The following GNAT3 variants were observed in gnomAD, a reference collection of about 807,000 sequenced individuals.
The protein encoded by GNAT3 is guanine nucleotide-binding protein G(t) subunit alpha-3.
In GNAT3, 31 loss-of-function variants were observed where a neutral mutation model predicts 37.7. The observed-to-expected ratio is 0.82, with a 90% CI of 0.62 to 1.11. The LOEUF (loss-of-function observed/expected upper bound fraction) is 1.11, where lower values mean the gene tolerates loss of function less well. Among genes scored for constraint, GNAT3 ranks in the 50% most tolerant of loss-of-function variants. The pLI is 0.00. For synonymous variants in GNAT3, 138 were observed against 139.8 expected (o/e 0.99, Z 0.09); for missense variants, 437 against 412.5 (o/e 1.06, Z -0.51).
At chr7:80,500,789 G>C (rs532627461) in intron 1 of GNAT3, among the ~76,000 whole-genome samples, 1 of 151,858 alleles carries the variant, frequency 6.6e-6, no homozygotes, top group Admixed American at 6.6e-5. Context: ...ACATTCTTTT[G>C]ATTTTTCTCT....
chr7:80,493,745 CTCCTCCACCTCTT>C (rs1790652440), intron 2 of GNAT3, among the ~76,000 whole-genome samples: 1 of 69,944 alleles, frequency 1.4e-5, no homozygotes, highest in African/African-American at 4.0e-5. Context: ...CTCCTCTTTC[CTCCTCCACCTCTT>C]TCCTCCTCCA....
At chr7:80,493,874 T>C (rs1388633027) in intron 2 of GNAT3, among the ~76,000 whole-genome samples, 1 of 147,196 alleles carries the variant, frequency 6.8e-6, no homozygotes, top group Non-Finnish European at 1.5e-5. Flanking sequence ...TCCTCTTTCC[T>C]CCTCCTCCTC....
At chr7:80,465,829 G>T (rs565058387) in intron 5 of GNAT3, among the ~76,000 whole-genome samples, 1 of 152,188 alleles carries the variant, frequency 6.6e-6, no homozygotes, top group East Asian at 1.9e-4. Flanking sequence ...ATGCATTTCA[G>T]ATGTAGTACA....
chr7:80,508,853 G>A (rs969045550), intron 1 of GNAT3, among the ~76,000 whole-genome samples: 2 of 152,010 alleles, frequency 1.3e-5, no homozygotes, highest in African/African-American at 4.8e-5. Context: ...GGTGTTATGA[G>A]TTTAAGCTTC....
chr7:80,482,295 G>T lies in GNAT3; in HGVS notation c.304-3297C>A, dbSNP rs145086791. On this transcript the variant is annotated intron_variant, in intron 3 of 7. Coordinates refer to ENST00000398291, the MANE Select transcript of GNAT3 (RefSeq NM_001102386.3). ...AAATATGCTCTGGTCACTTTCACTA[G>T]CATCATGCTATTGGCTCCTTCCACT... Among the ~76,000 whole-genome samples the T allele has an allele frequency of 3.0e-3, 456 of 152,228 alleles. 2 individuals are homozygous for T. The highest frequency in any genetic ancestry group is 0.01 in the African/African-American group (436 of 41,564).
intron 7 of GNAT3, among the ~76,000 whole-genome samples, chr7:80,459,510 C>T (rs1320753394): frequency 6.6e-6 from 1 of 152,196 alleles, no homozygotes; most frequent in East Asian, 1.9e-4. Context: ...TAGAGAGGTA[C>T]TCTTCACTGA....
rs568877167 is a variant in GNAT3 at position 80,501,626 on chromosome 7, A to G, written c.119-6979T>C. On this transcript the variant is annotated intron_variant, in intron 1 of 7. Coordinates refer to ENST00000398291, the MANE Select transcript of GNAT3 (RefSeq NM_001102386.3). ...ACTTTCTTTTGTCGTTATGCTTTTT[A>G]AGCTCTTTTAATTTATAACATTTTC... Among the ~76,000 whole-genome samples, 65 of 151,946 alleles carry G rather than the reference A, an allele frequency of 4.3e-4. No homozygotes were observed. In the East Asian group the frequency reaches 4.8e-3, roughly 11 times the overall value.
intron 3 of GNAT3, among the ~76,000 whole-genome samples, chr7:80,480,942 T>G (rs1008800744): frequency 6.6e-6 from 1 of 152,262 alleles, no homozygotes; most frequent in Non-Finnish European, 1.5e-5. Flanking sequence ...CCTCAGCTCC[T>G]ATTTAAGATG....
chr7:80,477,888 G>A (rs1265578993), intron 4 of GNAT3, among the ~76,000 whole-genome samples: 3 of 152,116 alleles, frequency 2.0e-5, no homozygotes, highest in Non-Finnish European at 1.5e-5. Context: ...GGCTATGTTA[G>A]GAACCACTTG....
intron 1 of GNAT3, among the ~76,000 whole-genome samples, chr7:80,497,573 CAT>C (rs932278423): frequency 7.3e-6 from 1 of 137,366 alleles, no homozygotes; most frequent in East Asian, 2.0e-4. Flanking sequence ...TACGTATATA[CAT>C]ATACGTATAT....
At chr7:80,485,608 C>T (rs1022701053) in intron 3 of GNAT3, among the ~76,000 whole-genome samples, 4 of 152,124 alleles carry the variant, frequency 2.6e-5, no homozygotes, top group African/African-American at 9.7e-5. Context: ...TCAGTTACTG[C>T]TGAGCCCTCA....
Position 80,497,603 on chromosome 7 carries a change from T to C in GNAT3, c.119-2956A>G, listed in dbSNP as rs138580777. Among the ~76,000 whole-genome samples the C allele has an allele frequency of 5.1e-3, 610 of 118,484 alleles. 33 individuals carry two copies. The highest frequency in any genetic ancestry group is 0.025 in the African/African-American group (557 of 21,984). 77.7% of individuals were successfully genotyped at this position (118,484 alleles called of 152,430 possible). ...ACGTATATACATATACGTATATACA[T>C]ATACGTATATACATATACGTATATA... On this transcript the variant is annotated intron_variant, in intron 1 of 7. Transcript: ENST00000398291.
intron 5 of GNAT3, among the ~76,000 whole-genome samples, chr7:80,465,716 C>T (rs554588830): frequency 1.3e-5 from 2 of 152,196 alleles, no homozygotes; most frequent in East Asian, 3.9e-4. Flanking sequence ...TCTCCCAGGC[C>T]AGGCAGTAGT....
At chr7:80,486,584 A>G (rs908323741) in intron 3 of GNAT3, 4 of 147,126 alleles carry the variant, frequency 2.7e-5, no homozygotes, top group South Asian at 2.2e-4. Flanking sequence ...AGCTGGGACT[A>G]CAGGTACACA....
intron 2 of GNAT3, among the ~76,000 whole-genome samples, chr7:80,492,308 C>T (rs1454137017): frequency 6.6e-6 from 1 of 151,992 alleles, no homozygotes; most frequent in African/African-American, 2.4e-5. Context: ...TGTGCCACTG[C>T]ACTCCAGCCT....
At chr7:80,470,372 C>A (rs1406442921) in intron 5 of GNAT3, among the ~76,000 whole-genome samples, 1 of 152,164 alleles carries the variant, frequency 6.6e-6, no homozygotes, top group African/African-American at 2.4e-5. Flanking sequence ...CTGGGGTGTG[C>A]CACCATGCCC....
intron 2 of GNAT3, among the ~76,000 whole-genome samples, chr7:80,494,180 T>C (rs1262793564): frequency 6.6e-6 from 1 of 152,144 alleles, no homozygotes; most frequent in Non-Finnish European, 1.5e-5. Flanking sequence ...AATGCAAAAA[T>C]ACATCACAAT....
rs199873856 is a variant in GNAT3, at chr7:80,462,526, C to A, written c.696G>T (p.Met232Ile). ...CCACTTCTTCGTCTTCCACGAGGACCATGTCATAGGCACTAAGTGCAGCAC... is the reference window on the plus strand; with the variant it reads ...CCACTTCTTCGTCTTCCACGAGGACAATGTCATAGGCACTAAGTGCAGCAC... ...IFCAALSAYDMVLVEDEEVNR... is the reference protein window; with the variant it reads ...IFCAALSAYDIVLVEDEEVNR... Residue 232 changes from methionine to isoleucine, a missense_variant, in exon 6 of 8, where the codon ATG (methionine) becomes ATT (isoleucine). Transcript: ENST00000398291. 8.7e-4 allele frequency: 1,399 copies of A among 1,613,408 alleles called. 1 individual carries two copies. The highest frequency in any genetic ancestry group is 1.1e-3 in the Non-Finnish European group (1,348 of 1,179,718).
intron 5 of GNAT3, among the ~76,000 whole-genome samples, chr7:80,465,117 T>C (rs974369938): frequency 6.6e-6 from 1 of 152,152 alleles, no homozygotes; most frequent in Non-Finnish European, 1.5e-5. Flanking sequence ...ATGATAAATA[T>C]GCATTCAGAA....
Sources: allele counts gnomAD v4.1 joint callset (sites outside exome capture counted in the v4.1 genomes callset), GRCh38; gene constraint gnomAD v4.1.1; transcripts MANE v1.5; gene names NCBI Gene and HGNC (gene_info 2026-07-23, HGNC 2026-07-21).